Variants in PPFIBP2 observed in about 807,000 individuals in gnomAD.
PPFIBP2 encodes PPFIB scaffold protein 2.
PPFIBP2 carries 118 observed loss-of-function variants against 118.3 expected under a neutral mutation model. That is an observed-to-expected ratio of 1.00 (90% confidence interval 0.86 to 1.16). PPFIBP2 has a LOEUF of 1.16. Ranked by LOEUF, PPFIBP2 falls within the 50% of genes most tolerant of loss-of-function variation. PPFIBP2 has a pLI of 0.00. For missense variants in PPFIBP2, 1,195 were observed against 1,073.1 expected, an observed-to-expected ratio of 1.11 and a Z score of -1.59; for synonymous variants, 414 against 397.4, an observed-to-expected ratio of 1.04 and a Z score of -0.50.
downstream of PPFIBP2, chr11:7,655,293 C>A: frequency 2.0e-6 from 1 of 507,322 alleles, no homozygotes; most frequent in African/African-American, 2.0e-5. Flanking sequence ...CTCCTCAGGG[C>A]CTGGCCCACT....
At chr11:7,602,205 C>G (rs1186587879) in intron 5 of PPFIBP2, among the ~76,000 whole-genome samples, 1 of 151,670 alleles carries the variant, frequency 6.6e-6, no homozygotes, top group East Asian at 1.9e-4. Context: ...ATAGAACTCA[C>G]AGTGCTGGGC....
At chr11:7,611,016 A>G (rs1403698733) in intron 6 of PPFIBP2, among the ~76,000 whole-genome samples, 1 of 152,260 alleles carries the variant, frequency 6.6e-6, no homozygotes, top group Non-Finnish European at 1.5e-5. Flanking sequence ...TTTTACACTC[A>G]GAGCTCCTTT....
intron 7 of PPFIBP2, among the ~76,000 whole-genome samples, chr11:7,623,411 T>C (rs1435214926): frequency 6.6e-6 from 1 of 152,178 alleles, no homozygotes; most frequent in Non-Finnish European, 1.5e-5. Flanking sequence ...GGCAGTAGCA[T>C]ACACAGTCAA....
At chr11:7,620,847 A>G (rs1023039080) in intron 6 of PPFIBP2, 88 bp from the exon 7 acceptor site, 2 of 877,296 alleles carry the variant, frequency 2.3e-6, no homozygotes, top group Middle Eastern at 2.2e-4. Context: ...TGGTTGCTGC[A>G]CCCCATATGC....
intron 5 of PPFIBP2, 109 bp from the exon 6 acceptor site, chr11:7,610,182 G>C: frequency 3.0e-6 from 4 of 1,349,228 alleles, no homozygotes; most frequent in Non-Finnish European, 4.1e-6. Flanking sequence ...TCTCAATTCT[G>C]TGTTGTTGAA....
chr11:7,618,998 A>C (rs941540834), intron 6 of PPFIBP2, among the ~76,000 whole-genome samples: 2 of 151,880 alleles, frequency 1.3e-5, no homozygotes, highest in African/African-American at 2.4e-5. Flanking sequence ...AGCAATGTCA[A>C]CTTTGTGGTG....
chr11:7,553,052 C>A (rs1185014369), intron 2 of PPFIBP2, among the ~76,000 whole-genome samples: 3 of 151,646 alleles, frequency 2.0e-5, no homozygotes, highest in Non-Finnish European at 4.4e-5. Context: ...GCATTTAATA[C>A]ATGCTAGATG....
intron 5 of PPFIBP2, among the ~76,000 whole-genome samples, chr11:7,609,786 C>T (rs1411174050): frequency 6.6e-6 from 1 of 152,150 alleles, no homozygotes; most frequent in Non-Finnish European, 1.5e-5. Context: ...ACACTCTTTG[C>T]ACATCTACTT....
chr11:7,534,826 C>T (rs4757999), intron 1 of PPFIBP2, among the ~76,000 whole-genome samples: 65,506 of 152,130 alleles, frequency 0.43, 14,470 homozygotes, highest in African/African-American at 0.5. Context: ...GTGGCCACAA[C>T]GCAAATGCCT....
chr11:7,641,394 T>A, intron 15 of PPFIBP2, 85 bp from the exon 16 acceptor site: 1 of 1,469,490 alleles, frequency 6.8e-7, no homozygotes, highest in Non-Finnish European at 9.3e-7. Flanking sequence ...GGACTCCCAC[T>A]GAAGGGGAGG....
chr11:7,650,943 G>A lies in PPFIBP2; in HGVS notation c.2225G>A (p.Ser742Asn). Residue 742 changes from serine (S) to asparagine (N), a missense_variant, in exon 22 of 24, where the codon AGT becomes AAT. Coordinates refer to ENST00000299492, the MANE Select transcript of PPFIBP2 (RefSeq NM_003621.5). ...LAEYAPNLRG[S>N]GVHGGLIILE... ...GAGTATGCACCCAATCTTCGAGGGAGTGGAGTCCATGGAGGCCTCATTGTG... is the reference window on the plus strand; with the variant it reads ...GAGTATGCACCCAATCTTCGAGGGAATGGAGTCCATGGAGGCCTCATTGTG... The A allele has an allele frequency of 6.2e-7, 1 of 1,613,906 alleles. No individual in the cohort carries two copies. Among genetic ancestry groups the A allele is most frequent in the Non-Finnish European group, 8.5e-7 (1 of 1,179,848 alleles).
chr11:7,660,164 G>T (rs1854860036), downstream of PPFIBP2, among the ~76,000 whole-genome samples: 1 of 127,424 alleles, frequency 7.8e-6, no homozygotes, highest in Admixed American at 8.1e-5. Context: ...TAATTGCCCT[G>T]GCCAGAACTT....
intron 1 of PPFIBP2, among the ~76,000 whole-genome samples, chr11:7,524,568 A>G (rs1481481005): frequency 2.6e-5 from 4 of 152,254 alleles, no homozygotes; most frequent in East Asian, 1.9e-4. Flanking sequence ...TGAAGGTTCC[A>G]GAGTATTAGA....
intron 15 of PPFIBP2, among the ~76,000 whole-genome samples, chr11:7,640,608 G>A (rs1852046627): frequency 6.6e-6 from 1 of 152,222 alleles, no homozygotes; most frequent in East Asian, 1.9e-4. Flanking sequence ...TCTGCCGTTG[G>A]CTGCAGGAAC....
intron 18 of PPFIBP2, 55 bp from the exon 19 acceptor site, chr11:7,648,745 G>A: frequency 6.4e-7 from 1 of 1,555,262 alleles, no homozygotes; most frequent in Non-Finnish European, 8.9e-7. Flanking sequence ...AGCTTTCTCT[G>A]AGGGCCAAAT....
At chr11:7,641,418 G>A (rs890336937) in intron 15 of PPFIBP2, 61 bp from the exon 16 acceptor site, 2 of 1,579,828 alleles carry the variant, frequency 1.3e-6, no homozygotes, top group African/African-American at 1.3e-5. Flanking sequence ...CAGGCTTGGG[G>A]AAGAAGGGTT....
the PPFIBP2 span, among the ~76,000 whole-genome samples, chr11:7,664,187 C>T: frequency 0.79 from 119,744 of 152,106 alleles, 47,336 homozygotes; most frequent in African/African-American, 0.85. Flanking sequence ...TGTTGTCATT[C>T]TTAATGGGGG....
chr11:7,588,682 C>T (rs566225674), intron 3 of PPFIBP2, among the ~76,000 whole-genome samples: 7 of 152,298 alleles, frequency 4.6e-5, no homozygotes, highest in East Asian at 1.9e-4. Flanking sequence ...TATTTGCCTC[C>T]GCGAGGTCTG....
intron 2 of PPFIBP2, 51 bp from the exon 3 acceptor site, chr11:7,565,502 G>C (rs1191312108): frequency 6.3e-7 from 1 of 1,584,538 alleles, no homozygotes; most frequent in South Asian, 1.1e-5. Context: ...CTAGTACCTT[G>C]CTCAGGGTGT....
Sources: gnomAD v4.1 joint callset for allele counts (sites outside exome capture counted in the v4.1 genomes callset) on GRCh38, gnomAD v4.1.1 for gene constraint, MANE v1.5 for transcripts, NCBI Gene and HGNC (gene_info 2026-07-23, HGNC 2026-07-21) for gene names.